REV1: variants seen among roughly 807,000 people sequenced by gnomAD.
The protein encoded by REV1 is translesion synthesis protein REV1.
REV1 carries 42 observed loss-of-function variants against 137.4 expected under a neutral mutation model. That is an observed-to-expected ratio of 0.31 (90% CI 0.24 to 0.40). The LOEUF (loss-of-function observed/expected upper bound fraction) is 0.40, where lower values mean the gene tolerates loss of function less well. REV1 is among the 10% of genes least tolerant of loss of function. REV1 has a pLI of 1.00. For synonymous variants in REV1, 524 were observed against 519.2 expected, an observed-to-expected ratio of 1.01 and a Z score of -0.12; for missense variants, 1,282 against 1,490.1, an observed-to-expected ratio of 0.86 and a Z score of 2.30.
intron 12 of REV1, among the ~76,000 whole-genome samples, chr2:99,413,196 A>T (rs945321295): frequency 6.6e-6 from 1 of 152,252 alleles, no homozygotes; most frequent in Non-Finnish European, 1.5e-5. Flanking sequence ...AACTTTTAAA[A>T]TATGTATAAC....
chr2:99,412,568 C>G (rs528080287), intron 13 of REV1, among the ~76,000 whole-genome samples, 163 bp downstream of exon 13: 4 of 152,154 alleles, frequency 2.6e-5, no homozygotes, highest in Non-Finnish European at 5.9e-5. Context: ...TGGGGCTACA[C>G]CTTACCACAC....
chr2:99,454,549 T>TAAAAA (rs1559376915), intron 3 of REV1, among the ~76,000 whole-genome samples: 1 of 17,000 alleles, frequency 5.9e-5, no homozygotes, highest in Non-Finnish European at 9.8e-5. Context: ...AAACTCCAGC[T>TAAAAA]CAAAAAAAAA....
intron 1 of REV1, among the ~76,000 whole-genome samples, chr2:99,488,442 T>C (rs999852296): frequency 8.4e-6 from 1 of 119,162 alleles, no homozygotes; most frequent in East Asian, 2.2e-4. Context: ...AGATAGGAGT[T>C]TGGTACAGAC....
chr2:99,437,734 G>A (rs567657439), intron 6 of REV1, among the ~76,000 whole-genome samples: 1 of 151,532 alleles, frequency 6.6e-6, no homozygotes, highest in East Asian at 1.9e-4. Flanking sequence ...ATAACCTTCA[G>A]GTAACAAGGC....
At position 99,464,844 on chromosome 2, in the gene REV1, C is replaced by T. The variant is rs947322166; in HGVS notation, c.54+78G>A. 3.6e-6 allele frequency: 5 copies of T among 1,394,822 alleles called. No individual in the cohort carries two copies. In the African/African-American group the frequency reaches 7.1e-5, roughly 20 times the overall value. The allele number at this position is 1,394,822 out of a possible 1,614,324, so 86.4% of individuals were successfully genotyped here. A position where few individuals can be genotyped will look rare whatever the true frequency, so the allele number is the denominator to read the frequency against. On this transcript the variant is annotated intron_variant, in intron 2 of 22. Coordinates refer to ENST00000258428, the MANE Select transcript of REV1 (RefSeq NM_016316.4). ...AAGTAATTTACAATTTAGAAAACAACTTAAACCACATTATAACAGAAGAAT... is the reference window on the plus strand; with the variant it reads ...AAGTAATTTACAATTTAGAAAACAATTTAAACCACATTATAACAGAAGAAT...
At chr2:99,447,672 T>G (rs548054971) in intron 4 of REV1, among the ~76,000 whole-genome samples, 1 of 152,248 alleles carries the variant, frequency 6.6e-6, no homozygotes, top group East Asian at 1.9e-4. Context: ...GATATTAGCC[T>G]TCTTTCACAA....
In REV1 at chr2:99,406,408, T is replaced by C. The variant is rs1345059515; in HGVS notation, c.2531A>G (p.His844Arg). The C allele has an allele frequency of 6.2e-7, 1 of 1,613,928 alleles. No individual in the cohort carries two copies. The highest frequency in any genetic ancestry group is 1.1e-5 in the South Asian group (1 of 91,066). ...GACAGAGTATGACCCACTAGGAAAG[T>C]GGCTTGACTGAACTGATGGGCGACT... is the stretch of plus-strand genomic sequence containing the variant. The part of the protein sequence containing the change: ...CPSRPSVQSS[H>R]FPSGSYSVRD... The change falls in exon 16 of 23, where the codon CAC becomes CGC. Residue 844 changes from histidine to arginine, a missense_variant. Transcript: ENST00000258428.
At chr2:99,410,657 A>C in intron 14 of REV1, 38 bp downstream of exon 14, 1 of 1,524,340 alleles carries the variant, frequency 6.6e-7, no homozygotes. Context: ...ACCTGTACTG[A>C]AATATAATTA....
chr2:99,442,178 G>A (rs1681572434), intron 5 of REV1, 139 bp downstream of exon 5: 1 of 702,450 alleles, frequency 1.4e-6, no homozygotes, highest in Non-Finnish European at 2.2e-6. Flanking sequence ...CTTGAACCTG[G>A]GAGGCAGAGG....
In REV1 at chr2:99,475,574, G is replaced by C. The variant is rs181243194; in HGVS notation, c.-10-10589C>G. On this transcript the variant is annotated intron_variant, in intron 1 of 22. Coordinates refer to ENST00000258428, the MANE Select transcript of REV1 (RefSeq NM_016316.4). ...GACCTGACAAATTCTAGAGTCTTTT[G>C]CAATTTTTTAAATGTACATGATTCT... Among the ~76,000 whole-genome samples, 23 of 152,162 alleles carry C rather than the reference G, an allele frequency of 1.5e-4. No individual in the cohort carries two copies. In the East Asian group the frequency reaches 4.4e-3, roughly 29 times the overall value.
chr2:99,453,947 A>G (rs1256603123), intron 3 of REV1, among the ~76,000 whole-genome samples: 1 of 150,754 alleles, frequency 6.6e-6, no homozygotes, highest in African/African-American at 2.4e-5. Context: ...ATTCAGGGAA[A>G]TTCTATCCTC....
intron 1 of REV1, among the ~76,000 whole-genome samples, chr2:99,471,060 T>C (rs1685355370): frequency 6.6e-6 from 1 of 152,344 alleles, no homozygotes; most frequent in Middle Eastern, 3.4e-3. Context: ...CACATTATAG[T>C]AGCATAACAT....
chr2:99,454,777 A>G (rs1006904676), intron 3 of REV1, among the ~76,000 whole-genome samples: 9 of 152,188 alleles, frequency 5.9e-5, no homozygotes, highest in Non-Finnish European at 1.3e-4. Context: ...TACTCCTACT[A>G]TTAGTTTTAT....
chr2:99,461,459 G>A (rs1684187000), intron 3 of REV1, among the ~76,000 whole-genome samples: 1 of 152,256 alleles, frequency 6.6e-6, no homozygotes, highest in East Asian at 1.9e-4. Context: ...AGCACAAGAA[G>A]TCACCTAAAT....
At chr2:99,474,246 T>C (rs74506037) in intron 1 of REV1, among the ~76,000 whole-genome samples, 88 of 152,306 alleles carry the variant, frequency 5.8e-4, no homozygotes, top group East Asian at 5.6e-3. Context: ...AACTCATCCA[T>C]AGAGTGAGTC....
At chr2:99,449,306 T>C in intron 4 of REV1, 30 bp downstream of exon 4, 1 of 1,288,356 alleles carries the variant, frequency 7.8e-7, no homozygotes, top group Non-Finnish European at 1.0e-6. Context: ...TTTAAAAATT[T>C]ATTAATTAAA....
intron 9 of REV1, chr2:99,425,043 G>GA (rs28382917): frequency 2.0e-5 from 11 of 548,468 alleles, no homozygotes; most frequent in East Asian, 1.0e-4. Context: ...AAAGAATCAA[G>GA]AAAAAAAATT....
chr2:99,416,023 T>C (rs1170725425), intron 12 of REV1, among the ~76,000 whole-genome samples: 1 of 152,272 alleles, frequency 6.6e-6, no homozygotes. Flanking sequence ...AAACTTACTA[T>C]TGTGTTTTTC....
At chr2:99,466,633 T>C (rs905635576) in intron 1 of REV1, among the ~76,000 whole-genome samples, 1 of 152,222 alleles carries the variant, frequency 6.6e-6, no homozygotes, top group African/African-American at 2.4e-5. Context: ...GAATTTTTAC[T>C]GTCACCCTTA....
Sources: allele counts gnomAD v4.1 joint callset (sites outside exome capture counted in the v4.1 genomes callset), GRCh38; gene constraint gnomAD v4.1.1; transcripts MANE v1.5; gene names NCBI Gene and HGNC (gene_info 2026-07-23, HGNC 2026-07-21).